The following UNC5B variants were observed in gnomAD, a reference collection of about 807,000 sequenced individuals.
UNC5B encodes the protein unc-5 netrin receptor B.
In UNC5B, 56 loss-of-function variants were observed where a neutral mutation model predicts 103.7. The ratio of observed to expected loss-of-function variants is 0.54; its 90% CI spans 0.44 to 0.67. The LOEUF is 0.67. Ranked by LOEUF, UNC5B falls within the 30% of genes least tolerant of loss-of-function variation. The probability of loss-of-function intolerance (pLI) is 0.00; values close to 1 mark genes in which losing one functional copy is unlikely to be tolerated. For synonymous variants in UNC5B, 577 were observed against 542.0 expected (o/e 1.06, Z -0.90); for missense variants, 1,194 against 1,284.5 (o/e 0.93, Z 1.08).
intron 1 of UNC5B, among the ~76,000 whole-genome samples, chr10:71,235,300 AC>A (rs1010949168): frequency 2.6e-5 from 4 of 152,056 alleles, no homozygotes; most frequent in African/African-American, 9.7e-5. Context: ...GCCTGCAGCC[AC>A]CAGCCCTTCT....
At chr10:71,236,443 G>T (rs1843775771) in intron 1 of UNC5B, among the ~76,000 whole-genome samples, 1 of 152,220 alleles carries the variant, frequency 6.6e-6, no homozygotes, top group African/African-American at 2.4e-5. Context: ...GAGGGCTGAG[G>T]ATCGGGTGGT....
chr10:71,286,611 C>T, intron 4 of UNC5B, 78 bp from the exon 5 acceptor site: 1 of 1,562,742 alleles, frequency 6.4e-7, no homozygotes, highest in South Asian at 1.2e-5. Context: ...GGCGTGGACC[C>T]AGGTAGAACT....
intron 2 of UNC5B, among the ~76,000 whole-genome samples, chr10:71,282,728 C>T (rs944721182): frequency 3.3e-5 from 5 of 152,126 alleles, no homozygotes; most frequent in East Asian, 1.9e-4. Context: ...GCCATCAGGA[C>T]GGGGCTGTCC....
chr10:71,271,354 A>G (rs957007996), intron 1 of UNC5B, among the ~76,000 whole-genome samples: 1 of 152,202 alleles, frequency 6.6e-6, no homozygotes, highest in Non-Finnish European at 1.5e-5. Flanking sequence ...TGGTGGGAAT[A>G]TGCTTATTAT....
rs1589196652 is a variant in UNC5B at position 71,288,658 on chromosome 10, C to T, written c.992C>T (p.Pro331Leu). Residue 331 changes from proline to leucine, a missense_variant, in exon 7 of 17, where the codon CCC becomes CTC. Pro to Leu is a moderately conservative substitution (Grantham distance 98, BLOSUM62 -3). Coordinates refer to ENST00000335350, the MANE Select transcript of UNC5B (RefSeq NM_170744.5). Reference protein sequence around the residue: ...WRSRECMAPPPQNGGRDCSGT... With the variant: ...WRSRECMAPPLQNGGRDCSGT... ...AGCCGCGAGTGCATGGCGCCCCCAC[C>T]CCAGAACGGAGGCCGTGACTGCAGC... 6.2e-7 allele frequency: 1 copy of T among 1,613,878 alleles called. No homozygotes were observed. The highest frequency in any genetic ancestry group is 1.3e-5 in the African/African-American group (1 of 75,064).
chr10:71,239,417 G>A lies in UNC5B; in HGVS notation c.79+26353G>A, dbSNP rs1247044315. ...GGGCCTGAGGGTGGCCATCGAGTTC[G>A]GGTGGGTGGGATGAGGGTCGCCCGT... is the stretch of plus-strand genomic sequence containing the variant. On this transcript the variant is annotated intron_variant, in intron 1 of 16. Transcript: ENST00000335350. 5.3e-5 allele frequency among the ~76,000 whole-genome samples: 8 copies of A among 152,224 alleles called. No individual in the cohort carries two copies. The East Asian group carries it at 7.7e-4, about 15-fold the overall frequency.
At chr10:71,287,482 T>C in intron 5 of UNC5B, 116 bp from the exon 6 acceptor site, 1 of 1,299,876 alleles carries the variant, frequency 7.7e-7, no homozygotes. Flanking sequence ...GCAAAAGGGG[T>C]CTCACTAGGA....
At chr10:71,214,956 A>G (rs962160513) in intron 1 of UNC5B, among the ~76,000 whole-genome samples, 1 of 152,116 alleles carries the variant, frequency 6.6e-6, no homozygotes, top group Non-Finnish European at 1.5e-5. Context: ...AATTGTGCTC[A>G]TTACTTAGTG....
rs1554858439 is a variant in UNC5B, at chr10:71,213,675, A to AAATT, written c.79+612_79+613insATTA. Among the ~76,000 whole-genome samples, 3 of 133,258 alleles carry AAATT rather than the reference A, an allele frequency of 2.3e-5. No homozygotes were observed. Among genetic ancestry groups the AAATT allele is most frequent in the African/African-American group, 8.7e-5 (3 of 34,590 alleles). 87.4% of individuals were successfully genotyped at this position (133,258 alleles called of 152,430 possible). ...ATCGCTGGGCCCGCAGGTCTGGAAG[A>AAATT]ATTATTATTATTATTATTATTATTA... On this transcript the variant is annotated intron_variant, in intron 1 of 16. Coordinates refer to ENST00000335350, the MANE Select transcript of UNC5B (RefSeq NM_170744.5). The surrounding 1 kb of genome is among the most constrained non-coding windows in gnomAD (Gnocchi z 4.1).
intron 1 of UNC5B, among the ~76,000 whole-genome samples, chr10:71,275,078 C>T (rs927212714): frequency 2.0e-5 from 3 of 152,202 alleles, no homozygotes; most frequent in Non-Finnish European, 4.4e-5. Flanking sequence ...GGATGCAAAC[C>T]CAGGGCCTCT....
Position 71,213,646 on chromosome 10 carries a change from C to T in UNC5B, c.79+582C>T, listed in dbSNP as rs1843273326. ...TAAGTCTTGCACACATAGCTTTCCCCGAGATCGCTGGGCCCGCAGGTCTGG... is the reference window on the plus strand; with the variant it reads ...TAAGTCTTGCACACATAGCTTTCCCTGAGATCGCTGGGCCCGCAGGTCTGG... On this transcript the variant is annotated intron_variant, in intron 1 of 16. Coordinates refer to ENST00000335350, the MANE Select transcript of UNC5B (RefSeq NM_170744.5). The surrounding 1 kb of genome is among the most constrained non-coding windows in gnomAD (Gnocchi z 4.1). Among the ~76,000 whole-genome samples, 2 of 150,744 alleles carry T rather than the reference C, an allele frequency of 1.3e-5. No individual in the cohort carries two copies. Among genetic ancestry groups the T allele is most frequent in the South Asian group, 2.1e-4 (1 of 4,758 alleles).
At chr10:71,235,831 AG>A (rs1288018413) in intron 1 of UNC5B, among the ~76,000 whole-genome samples, 5 of 152,220 alleles carry the variant, frequency 3.3e-5, no homozygotes, top group Non-Finnish European at 5.9e-5. Flanking sequence ...AGAGCCCTAG[AG>A]AGCACCTGGT....
intron 1 of UNC5B, among the ~76,000 whole-genome samples, chr10:71,246,299 A>T (rs1844034416): frequency 6.6e-6 from 1 of 152,154 alleles, no homozygotes; most frequent in African/African-American, 2.4e-5. Context: ...AGAAAGGCGG[A>T]GGACCCCAAG....
chr10:71,228,990 G>T (rs933643855), intron 1 of UNC5B, among the ~76,000 whole-genome samples: 2 of 152,154 alleles, frequency 1.3e-5, no homozygotes, highest in African/African-American at 4.8e-5. Flanking sequence ...GCAGGGACTG[G>T]GCCTTATCCC....
intron 1 of UNC5B, among the ~76,000 whole-genome samples, chr10:71,256,906 C>T (rs931160082): frequency 5.9e-5 from 9 of 152,282 alleles, no homozygotes; most frequent in East Asian, 5.8e-4. Context: ...ACACGGCAGC[C>T]GGTGTGGAGT....
chr10:71,263,454 G>A (rs1056139816), intron 1 of UNC5B, among the ~76,000 whole-genome samples: 3 of 152,192 alleles, frequency 2.0e-5, no homozygotes, highest in Non-Finnish European at 2.9e-5. Flanking sequence ...CAGAGAGCTC[G>A]AGCTGAGAGC....
chr10:71,298,983 A>C, intron 16 of UNC5B, 129 bp from the exon 17 acceptor site: 1 of 1,230,840 alleles, frequency 8.1e-7, no homozygotes, highest in Non-Finnish European at 1.1e-6. Flanking sequence ...CAGTAGCTGC[A>C]ATTCAGACCC....
chr10:71,290,355 T>C (rs1366565371), intron 8 of UNC5B, among the ~76,000 whole-genome samples: 2 of 152,196 alleles, frequency 1.3e-5, no homozygotes, highest in Non-Finnish European at 2.9e-5. Context: ...TCTTCCCACA[T>C]GCTCACCTCT....
chr10:71,292,319 G>A, intron 10 of UNC5B, 148 bp from the exon 11 acceptor site: 1 of 664,522 alleles, frequency 1.5e-6, no homozygotes, highest in Non-Finnish European at 2.6e-6. Flanking sequence ...CTTGCATCCA[G>A]TCCCCAGACC....
Sources: gnomAD v4.1 joint callset for allele counts (sites outside exome capture counted in the v4.1 genomes callset) on GRCh38, gnomAD v4.1.1 for gene constraint, Gnocchi (gnomAD v3.1) non-coding constraint, MANE v1.5 for transcripts, NCBI Gene and HGNC (gene_info 2026-07-23, HGNC 2026-07-21) for gene names.